The following LHFPL6 variants were observed in gnomAD, a reference collection of about 807,000 sequenced individuals.
The protein encoded by LHFPL6 is LHFPL tetraspan subfamily member 6.
Under a neutral mutation model 20.6 loss-of-function variants are expected in LHFPL6, and 9 were observed. That is an observed-to-expected ratio of 0.44 (90% CI 0.26 to 0.76). LHFPL6 has a LOEUF of 0.76. Among genes scored for constraint, LHFPL6 ranks in the 30% least tolerant of loss-of-function variants. The pLI is 0.20. For synonymous variants in LHFPL6, 105 were observed against 98.7 expected, an observed-to-expected ratio of 1.06 and a Z score of -0.38; for missense variants, 218 against 253.5, an observed-to-expected ratio of 0.86 and a Z score of 0.95.
At chr13:39,432,854 ATCAG>A (rs1054728641) in intron 2 of LHFPL6, among the ~76,000 whole-genome samples, 37 of 152,270 alleles carry the variant, frequency 2.4e-4, no homozygotes, top group Admixed American at 1.8e-3. Context: ...GAATCAATTA[ATCAG>A]TCAATCAATC....
chr13:39,356,403 G>A (rs555052862), intron 3 of LHFPL6, among the ~76,000 whole-genome samples: 2 of 152,248 alleles, frequency 1.3e-5, no homozygotes, highest in Middle Eastern at 3.4e-3. Flanking sequence ...AACGCAAAAT[G>A]CCTACATCAA....
At position 39,412,492 on chromosome 13, in the gene LHFPL6, GAACT is replaced by G. The variant is rs377037326; in HGVS notation, c.386-33970_386-33967del. On this transcript the variant is annotated intron_variant, in intron 2 of 3. Coordinates refer to ENST00000379589, the MANE Select transcript of LHFPL6 (RefSeq NM_005780.3). ...AAAAATAGCAGCTAGCAATTCTTGA[GAACT>G]AACTATGTTTTGGGAACTGTCCTCA... is the stretch of plus-strand genomic sequence containing the variant. Among the ~76,000 whole-genome samples the G allele has an allele frequency of 1.5e-4, 23 of 152,252 alleles. 1 individual carries two copies. In the South Asian group the frequency reaches 4.4e-3, roughly 29 times the overall value.
chr13:39,365,555 C>T (rs943237606), intron 3 of LHFPL6, among the ~76,000 whole-genome samples: 5 of 152,152 alleles, frequency 3.3e-5, no homozygotes, highest in African/African-American at 4.8e-5. Flanking sequence ...AAGTGCAAGA[C>T]GTGGTAAGAT....
At chr13:39,355,322 C>T (rs1179022494) in intron 3 of LHFPL6, among the ~76,000 whole-genome samples, 1 of 151,998 alleles carries the variant, frequency 6.6e-6, no homozygotes, top group South Asian at 2.1e-4. Flanking sequence ...GAAATAAAAT[C>T]CTTCTTAGTG....
chr13:39,376,124 C>T (rs1870289107), intron 3 of LHFPL6, among the ~76,000 whole-genome samples: 2 of 152,246 alleles, frequency 1.3e-5, no homozygotes, highest in South Asian at 4.1e-4. Context: ...ATTGCAATAA[C>T]AGGACCTGAA....
chr13:39,495,091 G>T (rs1223725386), intron 2 of LHFPL6, among the ~76,000 whole-genome samples: 1 of 152,184 alleles, frequency 6.6e-6, no homozygotes, highest in Non-Finnish European at 1.5e-5. Flanking sequence ...TAGGTAGAAG[G>T]TAGCAAGTGG....
chr13:39,476,799 C>G (rs530455889), intron 2 of LHFPL6, among the ~76,000 whole-genome samples: 16 of 152,174 alleles, frequency 1.1e-4, no homozygotes, highest in Non-Finnish European at 2.2e-4. Flanking sequence ...AGCCTCCTCC[C>G]TTCAAGATGA....
At chr13:39,474,388 C>T (rs1873027284) in intron 2 of LHFPL6, among the ~76,000 whole-genome samples, 1 of 152,132 alleles carries the variant, frequency 6.6e-6, no homozygotes, top group Non-Finnish European at 1.5e-5. Context: ...TCAATGTTCA[C>T]TTTTCACATG....
At chr13:39,438,466 C>T (rs557013861) in intron 2 of LHFPL6, among the ~76,000 whole-genome samples, 3 of 152,282 alleles carry the variant, frequency 2.0e-5, no homozygotes, top group African/African-American at 7.2e-5. Context: ...AAGAAAAGCC[C>T]ATTTTCAGGG....
At chr13:39,508,788 T>C (rs1044043593) in intron 2 of LHFPL6, among the ~76,000 whole-genome samples, 3 of 152,346 alleles carry the variant, frequency 2.0e-5, no homozygotes, top group South Asian at 2.1e-4. Flanking sequence ...CCTAGAAATA[T>C]AGCAACTAAC....
chr13:39,561,621 T>C (rs1871487090), intron 2 of LHFPL6, among the ~76,000 whole-genome samples: 1 of 152,192 alleles, frequency 6.6e-6, no homozygotes, highest in Non-Finnish European at 1.5e-5. Context: ...AGCCGCCATG[T>C]CTGCTTTGTT....
intron 2 of LHFPL6, among the ~76,000 whole-genome samples, chr13:39,591,154 A>G (rs1389048147): frequency 2.6e-5 from 4 of 152,256 alleles, no homozygotes; most frequent in Non-Finnish European, 4.4e-5. Context: ...ATACAAAGTT[A>G]AAAAGTAAAA....
At chr13:39,516,411 G>A (rs1484847480) in intron 2 of LHFPL6, among the ~76,000 whole-genome samples, 1 of 152,212 alleles carries the variant, frequency 6.6e-6, no homozygotes, top group Non-Finnish European at 1.5e-5. Context: ...TGCTGTCATG[G>A]GGTAACAAAT....
chr13:39,470,100 A>T (rs891265607), intron 2 of LHFPL6, among the ~76,000 whole-genome samples: 2 of 151,934 alleles, frequency 1.3e-5, no homozygotes, highest in Admixed American at 6.6e-5. Flanking sequence ...TCGCTTAAAA[A>T]ATATATATAT....
chr13:39,465,742 T>A (rs1403258565), intron 2 of LHFPL6, among the ~76,000 whole-genome samples: 1 of 152,114 alleles, frequency 6.6e-6, no homozygotes, highest in Non-Finnish European at 1.5e-5. Flanking sequence ...AATTTCAGGG[T>A]GGCCTCGCAG....
rs796308036 is a variant in LHFPL6, at chr13:39,416,354, C to G, written c.386-37828G>C. Among the ~76,000 whole-genome samples, 9 of 122,686 alleles carry G rather than the reference C, an allele frequency of 7.3e-5. 1 individual carries two copies. Among genetic ancestry groups the G allele is most frequent in the African/African-American group, 2.7e-4 (9 of 33,954 alleles). 80.5% of individuals were successfully genotyped at this position (122,686 alleles called of 152,430 possible). A position where few individuals can be genotyped will look rare whatever the true frequency, so the allele number is the denominator to read the frequency against. On this transcript the variant is annotated intron_variant, in intron 2 of 3. Coordinates refer to ENST00000379589, the MANE Select transcript of LHFPL6 (RefSeq NM_005780.3). Reference sequence around the variant, plus strand: ...GCACATGTTTGTTGAATGAATGAACCTTAATATGTTAAAAAAAAAAAAGAG... The same window carrying G: ...GCACATGTTTGTTGAATGAATGAACGTTAATATGTTAAAAAAAAAAAAGAG...
chr13:39,465,960 A>G (rs1183421639), intron 2 of LHFPL6, among the ~76,000 whole-genome samples: 1 of 151,972 alleles, frequency 6.6e-6, no homozygotes, highest in African/African-American at 2.4e-5. Flanking sequence ...TTCCTCCACC[A>G]TACTGTGACT....
rs567625856 is a variant in LHFPL6, at chr13:39,550,204, T to C, written c.385+50628A>G. On this transcript the variant is annotated intron_variant, in intron 2 of 3. Coordinates refer to ENST00000379589, the MANE Select transcript of LHFPL6 (RefSeq NM_005780.3). ...GCATGATTCCATTTATATGGCTTTC[T>C]GGAAAAGGGAAAACTATAGGCACAG... Among the ~76,000 whole-genome samples, 75 of 152,222 alleles carry C rather than the reference T, an allele frequency of 4.9e-4. 3 individuals carry two copies. The South Asian group carries it at 0.015, about 30-fold the overall frequency.
At chr13:39,355,876 G>A (rs754201888) in intron 3 of LHFPL6, among the ~76,000 whole-genome samples, 2 of 152,144 alleles carry the variant, frequency 1.3e-5, no homozygotes, top group African/African-American at 4.8e-5. Context: ...AGAGCACCTC[G>A]ATTAATAGAA....
Sources: allele counts gnomAD v4.1 joint callset (sites outside exome capture counted in the v4.1 genomes callset), GRCh38; gene constraint gnomAD v4.1.1; transcripts MANE v1.5; gene names NCBI Gene and HGNC (gene_info 2026-07-23, HGNC 2026-07-21).